The following SPECC1L variants were observed in gnomAD, a reference collection of about 807,000 sequenced individuals.
SPECC1L encodes sperm antigen with calponin homology and coiled-coil domains 1 like.
In SPECC1L, 40 loss-of-function variants were observed where a neutral mutation model predicts 116.8. That is an observed-to-expected ratio of 0.34 (90% CI 0.27 to 0.45). The LOEUF (loss-of-function observed/expected upper bound fraction) is 0.45, where lower values mean the gene tolerates loss of function less well. Ranked by LOEUF, SPECC1L falls within the 20% of genes least tolerant of loss-of-function variation. SPECC1L has a pLI of 1.00. For synonymous variants in SPECC1L, 504 were observed against 500.6 expected, an observed-to-expected ratio of 1.01 and a Z score of -0.09; for missense variants, 1,110 against 1,373.6, an observed-to-expected ratio of 0.81 and a Z score of 3.03.
chr22:24,337,958 A>C (rs1364141338), intron 9 of SPECC1L, among the ~76,000 whole-genome samples: 1 of 149,842 alleles, frequency 6.7e-6, no homozygotes, highest in South Asian at 2.2e-4. Context: ...GAGGAAAGAC[A>C]AGCAGAAGCA....
chr22:24,274,078 G>T (rs571398912), intron 1 of SPECC1L, among the ~76,000 whole-genome samples: 2 of 152,256 alleles, frequency 1.3e-5, no homozygotes, highest in South Asian at 4.1e-4. Context: ...TTTTTGTGTT[G>T]TGCCAACAAA....
chr22:24,314,103 GGCATGATCTCAGCTAACT>G (rs1018062583), intron 4 of SPECC1L, among the ~76,000 whole-genome samples: 2 of 151,778 alleles, frequency 1.3e-5, no homozygotes, highest in African/African-American at 4.8e-5. Flanking sequence ...GGAGTGCAAT[GGCATGATCTCAGCTAACT>G]GCAAGCTTCG....
intron 14 of SPECC1L, among the ~76,000 whole-genome samples, chr22:24,385,260 G>C (rs530753533): frequency 3.9e-5 from 6 of 151,978 alleles, no homozygotes; most frequent in Non-Finnish European, 8.8e-5. Context: ...GCTAATAGAA[G>C]ATAAGTAGAA....
intron 3 of SPECC1L, among the ~76,000 whole-genome samples, chr22:24,309,481 A>G (rs955064171): frequency 5.3e-5 from 8 of 152,080 alleles, no homozygotes; most frequent in African/African-American, 1.7e-4. Flanking sequence ...GCTCACTGCA[A>G]CGTCCGTCTC....
intron 14 of SPECC1L, among the ~76,000 whole-genome samples, chr22:24,399,787 A>G (rs1320709862): frequency 1.3e-5 from 2 of 152,180 alleles, no homozygotes; most frequent in South Asian, 2.1e-4. Flanking sequence ...AGAGGATGAC[A>G]TATATCAGGT....
At chr22:24,381,458 A>C (rs986645759) in intron 14 of SPECC1L, among the ~76,000 whole-genome samples, 1 of 152,234 alleles carries the variant, frequency 6.6e-6, no homozygotes, top group Admixed American at 6.5e-5. Flanking sequence ...TATGTGGGCC[A>C]CTGAAGAAAA....
chr22:24,323,239 C>T (rs1231548384), intron 5 of SPECC1L: 1 of 320,918 alleles, frequency 3.1e-6, no homozygotes, highest in African/African-American at 2.2e-5. Flanking sequence ...TTTACCTCCC[C>T]CCGCCTCATC....
At chr22:24,282,393 G>A (rs898786574) in intron 2 of SPECC1L, among the ~76,000 whole-genome samples, 14 of 152,202 alleles carry the variant, frequency 9.2e-5, no homozygotes, top group African/African-American at 2.7e-4. Flanking sequence ...AGTTTCTCCC[G>A]AAGTTAGTTC....
intron 14 of SPECC1L, among the ~76,000 whole-genome samples, chr22:24,376,586 A>T (rs2041975879): frequency 6.6e-6 from 1 of 152,204 alleles, no homozygotes; most frequent in African/African-American, 2.4e-5. Context: ...GGAAAGACAT[A>T]CCTTGTTCAT....
At chr22:24,393,356 G>A (rs77865035) in intron 14 of SPECC1L, among the ~76,000 whole-genome samples, 6,366 of 152,258 alleles carry the variant, frequency 0.042, 447 homozygotes, top group African/African-American at 0.14. Flanking sequence ...TTAAGTGGTG[G>A]TGTAGGGAAG....
At chr22:24,310,354 G>A (rs1282606270) in intron 3 of SPECC1L, among the ~76,000 whole-genome samples, 2 of 152,192 alleles carry the variant, frequency 1.3e-5, no homozygotes, top group Non-Finnish European at 2.9e-5. Flanking sequence ...ATTATTGGAG[G>A]TGTATCTTCA....
chr22:24,295,728 C>A (rs2049247516), intron 2 of SPECC1L, among the ~76,000 whole-genome samples: 1 of 152,148 alleles, frequency 6.6e-6, no homozygotes. Flanking sequence ...GAGGGTGGAT[C>A]ATCTGAGGTC....
intron 2 of SPECC1L, among the ~76,000 whole-genome samples, chr22:24,295,669 G>T (rs1171167025): frequency 6.6e-6 from 1 of 151,934 alleles, no homozygotes; most frequent in Non-Finnish European, 1.5e-5. Flanking sequence ...ATACCAGCAC[G>T]GGCCCGGCGC....
intron 10 of SPECC1L, among the ~76,000 whole-genome samples, chr22:24,343,159 A>G (rs1476407880): frequency 3.3e-5 from 5 of 152,110 alleles, no homozygotes; most frequent in Admixed American, 2.6e-4. Flanking sequence ...GCACCACTGC[A>G]CTCCAGCCTG....
intron 11 of SPECC1L, among the ~76,000 whole-genome samples, chr22:24,349,663 T>G (rs1387466537): frequency 6.6e-6 from 1 of 152,232 alleles, no homozygotes; most frequent in Non-Finnish European, 1.5e-5. Flanking sequence ...CATGGCAGTT[T>G]CATCCTTAGA....
intron 9 of SPECC1L, among the ~76,000 whole-genome samples, chr22:24,335,478 C>T (rs1409055550): frequency 6.6e-6 from 1 of 152,198 alleles, no homozygotes; most frequent in Non-Finnish European, 1.5e-5. Flanking sequence ...CTTACTCTTC[C>T]CACTTTCAAA....
At chr22:24,397,750 A>AT (rs920361398) in intron 14 of SPECC1L, among the ~76,000 whole-genome samples, 169 of 151,926 alleles carry the variant, frequency 1.1e-3, no homozygotes, top group African/African-American at 3.8e-3. Context: ...TCTGCTTCAT[A>AT]TTTTTTTTAG....
At chr22:24,302,822 C>G (rs2049407769) in intron 3 of SPECC1L, among the ~76,000 whole-genome samples, 1 of 152,124 alleles carries the variant, frequency 6.6e-6, no homozygotes, top group South Asian at 2.1e-4. Flanking sequence ...ATGAAAAGGT[C>G]ATGTGAGCCA....
chr22:24,347,515 G>T (rs2041321891), intron 11 of SPECC1L, among the ~76,000 whole-genome samples: 1 of 152,090 alleles, frequency 6.6e-6, no homozygotes, highest in Non-Finnish European at 1.5e-5. Context: ...TTCAATTCAG[G>T]TTAACACAGT....
Sources: gnomAD v4.1 joint callset for allele counts (sites outside exome capture counted in the v4.1 genomes callset) on GRCh38, gnomAD v4.1.1 for gene constraint, MANE v1.5 for transcripts, NCBI Gene and HGNC (gene_info 2026-07-23, HGNC 2026-07-21) for gene names.